RIC3: variants seen among roughly 807,000 people sequenced by gnomAD.
RIC3 encodes protein RIC-3.
RIC3 carries 28 observed loss-of-function variants against 27.3 expected under a neutral mutation model. The ratio of observed to expected loss-of-function variants is 1.02; its 90% CI spans 0.76 to 1.41. RIC3 has a LOEUF of 1.41. Ranked by LOEUF, RIC3 falls within the 40% of genes most tolerant of loss-of-function variation. The pLI is 0.00. For missense variants in RIC3, 501 were observed against 444.7 expected (o/e 1.13, Z -1.14); for synonymous variants, 184 against 160.4 (o/e 1.15, Z -1.11).
At chr11:8,118,527 TAAAAAA>T (rs11378233) in intron 5 of RIC3, among the ~76,000 whole-genome samples, 1,283 of 66,682 alleles carry the variant, frequency 0.019, 18 homozygotes, top group African/African-American at 0.065. Context: ...GCCATAATTG[TAAAAAA>T]AAAAAAAAAA....
intron 5 of RIC3, among the ~76,000 whole-genome samples, chr11:8,113,982 T>C (rs2134077370): frequency 6.6e-6 from 1 of 152,264 alleles, no homozygotes; most frequent in Non-Finnish European, 1.5e-5. Flanking sequence ...ACCAGGTCCA[T>C]GCCTGAGGAT....
At chr11:8,138,454 A>G in intron 2 of RIC3, 107 bp from the exon 3 acceptor site, 1 of 665,568 alleles carries the variant, frequency 1.5e-6, no homozygotes, top group Non-Finnish European at 2.6e-6. Context: ...AATGAAGGTC[A>G]GAAATTAAAT....
At chr11:8,101,838 G>GTGTTAA, downstream of RIC3, 1 of 507,040 alleles carries the variant, frequency 2.0e-6, no homozygotes, top group Non-Finnish European at 3.0e-6. Context: ...GTGAAGGGAT[G>GTGTTAA]AGAATAATTC....
chr11:8,116,505 T>C (rs1382032495), intron 5 of RIC3, among the ~76,000 whole-genome samples: 1 of 152,160 alleles, frequency 6.6e-6, no homozygotes, highest in Non-Finnish European at 1.5e-5. Context: ...GGAGAAAATA[T>C]TTGCAAACCA....
chr11:8,151,006 G>T (rs551096318), intron 1 of RIC3, among the ~76,000 whole-genome samples: 3 of 152,302 alleles, frequency 2.0e-5, no homozygotes, highest in Admixed American at 1.3e-4. Context: ...ATGGATGAAA[G>T]ACCTAATTAT....
At chr11:8,138,214 G>T in intron 3 of RIC3, 58 bp downstream of exon 3, 2 of 1,200,284 alleles carry the variant, frequency 1.7e-6, no homozygotes, top group Non-Finnish European at 1.2e-6. Context: ...CTGTCCCTGT[G>T]GCTATAAAAC....
At chr11:8,117,202 G>A (rs970835457) in intron 5 of RIC3, among the ~76,000 whole-genome samples, 10 of 152,180 alleles carry the variant, frequency 6.6e-5, no homozygotes, top group Admixed American at 5.9e-4. Context: ...CCAAGTTGCT[G>A]GGACTAGACA....
intron 4 of RIC3, among the ~76,000 whole-genome samples, chr11:8,132,377 A>G (rs1233234194): frequency 6.6e-6 from 1 of 152,166 alleles, no homozygotes; most frequent in Non-Finnish European, 1.5e-5. Context: ...TTCCTCCTCA[A>G]AAGCCTTCAG....
Position 8,133,295 on chromosome 11 carries a change from C to G in RIC3, c.521+4083G>C, listed in dbSNP as rs142405099. Among the ~76,000 whole-genome samples the G allele has an allele frequency of 4.3e-3, 659 of 152,300 alleles. 7 individuals are homozygous for G. The highest frequency in any genetic ancestry group is 0.015 in the African/African-American group (633 of 41,568). ...ACTGTGAGCTAAATAAACCTCTGTTCTTTATAAATTACCCAGTCTGTGGTA... is the reference window on the plus strand; with the variant it reads ...ACTGTGAGCTAAATAAACCTCTGTTGTTTATAAATTACCCAGTCTGTGGTA... On this transcript the variant is annotated intron_variant, in intron 4 of 5. Coordinates refer to ENST00000309737, the MANE Select transcript of RIC3 (RefSeq NM_001206671.4).
intron 1 of RIC3, among the ~76,000 whole-genome samples, chr11:8,164,780 TCAAAA>T (rs1951521312): frequency 4.0e-5 from 2 of 50,468 alleles, no homozygotes; most frequent in African/African-American, 1.8e-4. Flanking sequence ...CCTGTCTCTC[TCAAAA>T]AAAAAAAAAA....
intron 5 of RIC3, among the ~76,000 whole-genome samples, chr11:8,126,017 G>A (rs912380452): frequency 6.6e-6 from 1 of 152,154 alleles, no homozygotes; most frequent in Non-Finnish European, 1.5e-5. Context: ...CAGCCTGGGC[G>A]ACAAAGTGAG....
chr11:8,108,826 A>C lies in RIC3; in HGVS notation c.*1872T>G, dbSNP rs2133996881. 6.6e-6 allele frequency: 1 copy of C among 152,352 alleles called. No homozygotes were observed. Among genetic ancestry groups the C allele is most frequent in the East Asian group, 1.9e-4 (1 of 5,190 alleles). The allele number at this position is 152,352 out of a possible 1,614,324, so 9.4% of individuals were successfully genotyped here. On this transcript the variant is annotated 3_prime_UTR_variant, in exon 6 of 6. Transcript: ENST00000309737. ...GAGCTAGAAGAGAACAGCAGTATTT[A>C]TCTCTAATAAGGGAATCCTATCCTA...
the RIC3 span, chr11:8,097,529 T>G: frequency 6.7e-7 from 1 of 1,498,200 alleles, no homozygotes; most frequent in South Asian, 1.2e-5. Context: ...GACCTCTCAG[T>G]TCCTCAAAGA....
At chr11:8,120,241 G>A (rs531258160) in intron 5 of RIC3, among the ~76,000 whole-genome samples, 7 of 152,274 alleles carry the variant, frequency 4.6e-5, no homozygotes, top group Admixed American at 2.0e-4. Flanking sequence ...ACATGCACAC[G>A]TACATTTACT....
At chr11:8,129,271 T>C (rs957906552) in intron 4 of RIC3, among the ~76,000 whole-genome samples, 1 of 151,994 alleles carries the variant, frequency 6.6e-6, no homozygotes, top group Non-Finnish European at 1.5e-5. Context: ...CAAAACAATT[T>C]TCCCAAGGCT....
downstream of RIC3, chr11:8,101,066 C>A: frequency 1.9e-6 from 3 of 1,565,408 alleles, no homozygotes; most frequent in South Asian, 1.2e-5. Context: ...GGGTTCAGCC[C>A]ACCTAGCCCT....
chr11:8,100,695 A>AGG, the RIC3 span: 149 of 1,484,438 alleles, frequency 1.0e-4, no homozygotes, highest in Admixed American at 1.4e-4. Flanking sequence ...GTGTATGTGG[A>AGG]GGGGTACCAT....
In RIC3 at chr11:8,108,494, T is replaced by C. The variant is rs1376705449; in HGVS notation, c.*2204A>G. ...GTTATCATGTATGAGCTAGAACCAA[T>C]GCTGTTTTACACACACTGATGATTT... On this transcript the variant is annotated 3_prime_UTR_variant, in exon 6 of 6. Transcript: ENST00000309737. 1.3e-5 allele frequency: 2 copies of C among 152,210 alleles called. No homozygotes were observed. The highest frequency in any genetic ancestry group is 2.9e-5 in the Non-Finnish European group (2 of 68,046). The allele number at this position is 152,210 out of a possible 1,614,324, so 9.4% of individuals were successfully genotyped here. A position where few individuals can be genotyped will look rare whatever the true frequency, so the allele number is the denominator to read the frequency against.
chr11:8,139,974 A>G lies in RIC3; in HGVS notation c.344T>C (p.Leu115Pro). Residue 115 changes from leucine to proline, a missense_variant, in exon 2 of 6, where the codon CTA (leucine) becomes CCA (proline). By Grantham distance (98) the Leu-to-Pro change is moderately conservative. Transcript: ENST00000309737. Reference protein sequence around the residue: ...FGIFLYILYILFKLSKGKTTA... With the variant: ...FGIFLYILYIPFKLSKGKTTA... ...TAGGATGATTCTACTTACCTTAAAT[A>G]GAATGTACAGTATATATAAAAAAAT... 1 of 1,613,072 alleles carries G rather than the reference A, an allele frequency of 6.2e-7. No individual in the cohort carries two copies. The highest frequency in any genetic ancestry group is 1.7e-4 in the Middle Eastern group (1 of 6,054).
Sources: allele counts gnomAD v4.1 joint callset (sites outside exome capture counted in the v4.1 genomes callset), GRCh38; gene constraint gnomAD v4.1.1; transcripts MANE v1.5; gene names NCBI Gene and HGNC (gene_info 2026-07-23, HGNC 2026-07-21).